ACTR3C: variants seen among roughly 807,000 people sequenced by gnomAD.
The protein encoded by ACTR3C is actin related protein 3C.
In ACTR3C, 18 loss-of-function variants were observed where a neutral mutation model predicts 26.3. The ratio of observed to expected loss-of-function variants is 0.68; its 90% CI spans 0.47 to 1.01. The LOEUF (loss-of-function observed/expected upper bound fraction) is 1.01, where lower values mean the gene tolerates loss of function less well. Ranked by LOEUF, ACTR3C falls within the 50% of genes least tolerant of loss-of-function variation. ACTR3C has a pLI of 0.00. For synonymous variants in ACTR3C, 55 were observed against 94.5 expected, an observed-to-expected ratio of 0.58 and a Z score of 2.42; for missense variants, 184 against 250.7, an observed-to-expected ratio of 0.73 and a Z score of 1.80.
intron 6 of ACTR3C, among the ~76,000 whole-genome samples, chr7:150,266,070 A>G (rs1459209679): frequency 6.7e-6 from 1 of 148,220 alleles, no homozygotes; most frequent in Non-Finnish European, 1.5e-5. Context: ...TTTTCTCTCC[A>G]GTCCAGAGTC....
chr7:150,145,174 C>G, the ACTR3C span, among the ~76,000 whole-genome samples: 2 of 151,820 alleles, frequency 1.3e-5, no homozygotes, highest in Admixed American at 6.6e-5. Context: ...TATAAGGGTG[C>G]TAACTTGGGC....
intron 4 of ACTR3C, among the ~76,000 whole-genome samples, chr7:150,288,580 A>T (rs1291086040): frequency 6.8e-6 from 1 of 146,994 alleles, no homozygotes; most frequent in East Asian, 2.0e-4. Flanking sequence ...ACAGATTTGG[A>T]GTGGCAAGGG....
chr7:150,034,376 C>A, the ACTR3C span, among the ~76,000 whole-genome samples: 3 of 151,696 alleles, frequency 2.0e-5, no homozygotes, highest in African/African-American at 7.3e-5. Context: ...AAGGCTTTGT[C>A]AGATCGGGTA....
chr7:150,037,077 C>G, the ACTR3C span, among the ~76,000 whole-genome samples: 3 of 114,090 alleles, frequency 2.6e-5, no homozygotes, highest in Non-Finnish European at 4.1e-5. Flanking sequence ...GGGGTGCCTC[C>G]CCCTCGTGCG....
the ACTR3C span, among the ~76,000 whole-genome samples, chr7:150,222,166 G>A: frequency 6.6e-6 from 1 of 152,154 alleles, no homozygotes; most frequent in South Asian, 2.1e-4. Context: ...TATTGTGTTT[G>A]GTTGCTTTTG....
At chr7:150,138,191 A>C in the ACTR3C span, among the ~76,000 whole-genome samples, 45 of 152,212 alleles carry the variant, frequency 3.0e-4, no homozygotes, top group Admixed American at 1.0e-3. Flanking sequence ...AGTAGACAAC[A>C]TAAATCACAC....
At chr7:149,920,397 C>T in the ACTR3C span, among the ~76,000 whole-genome samples, 1 of 151,132 alleles carries the variant, frequency 6.6e-6, no homozygotes, top group African/African-American at 2.4e-5. Context: ...ACCTCGAACT[C>T]TTAGATTCAC....
At chr7:150,166,674 G>C in the ACTR3C span, among the ~76,000 whole-genome samples, 1 of 149,848 alleles carries the variant, frequency 6.7e-6, no homozygotes, top group East Asian at 1.9e-4. Flanking sequence ...ACTCCAGCCT[G>C]GGCAACAGAG....
chr7:149,972,357 C>T, the ACTR3C span, among the ~76,000 whole-genome samples: 2 of 152,244 alleles, frequency 1.3e-5, no homozygotes, highest in African/African-American at 4.8e-5. Context: ...TTTCTATCTG[C>T]ACTGTTTAAA....
At chr7:149,922,467 G>A in the ACTR3C span, among the ~76,000 whole-genome samples, 1 of 146,496 alleles carries the variant, frequency 6.8e-6, no homozygotes, top group African/African-American at 2.5e-5. Context: ...CTTTGGCAAT[G>A]GTCTATTCAT....
At chr7:150,127,245 C>G in the ACTR3C span, among the ~76,000 whole-genome samples, 29 of 151,864 alleles carry the variant, frequency 1.9e-4, no homozygotes, top group African/African-American at 6.5e-4. Context: ...ACTCCCACCC[C>G]TATTGCCTGA....
At chr7:150,002,778 T>C in the ACTR3C span, 1 of 152,200 alleles carries the variant, frequency 6.6e-6, no homozygotes, top group African/African-American at 2.4e-5. Flanking sequence ...GCCTCCCTTT[T>C]CAGACTTAGA....
the ACTR3C span, among the ~76,000 whole-genome samples, chr7:150,185,977 C>A: frequency 6.6e-6 from 1 of 152,120 alleles, no homozygotes; most frequent in Non-Finnish European, 1.5e-5. Context: ...ATTTTGATCT[C>A]GGATTAGTGA....
At chr7:150,174,588 A>C in the ACTR3C span, among the ~76,000 whole-genome samples, 4 of 139,064 alleles carry the variant, frequency 2.9e-5, 1 homozygote, top group Non-Finnish European at 5.9e-5. Flanking sequence ...AAAAAAAAGA[A>C]CAACTTTAAG....
At chr7:150,153,311 G>A in the ACTR3C span, among the ~76,000 whole-genome samples, 108 of 151,346 alleles carry the variant, frequency 7.1e-4, no homozygotes, top group Non-Finnish European at 1.1e-3. Flanking sequence ...GAAAATTTTC[G>A]CAACCTACTC....
the ACTR3C span, among the ~76,000 whole-genome samples, chr7:150,069,471 G>T: frequency 2.0e-5 from 3 of 152,170 alleles, no homozygotes; most frequent in African/African-American, 7.2e-5. Context: ...AAACTTCAGC[G>T]GGTGAAACTC....
the ACTR3C span, among the ~76,000 whole-genome samples, chr7:150,090,655 A>G: frequency 6.7e-6 from 1 of 149,256 alleles, no homozygotes; most frequent in Non-Finnish European, 1.5e-5. Context: ...CATTATAGCA[A>G]CTAGTCTCAG....
At chr7:149,985,221 C>CACATACACACACACACAT in the ACTR3C span, among the ~76,000 whole-genome samples, 171 of 140,348 alleles carry the variant, frequency 1.2e-3, 2 homozygotes, top group African/African-American at 3.9e-3. Flanking sequence ...CACACACACA[C>CACATACACACACACACAT]ACACACACAC....
At chr7:149,945,845 T>C in the ACTR3C span, among the ~76,000 whole-genome samples, 2 of 152,116 alleles carry the variant, frequency 1.3e-5, no homozygotes, top group Non-Finnish European at 2.9e-5. Context: ...CAGTCCGCTG[T>C]AGGAATCTAG....
Sources: gnomAD v4.1 joint callset for allele counts (sites outside exome capture counted in the v4.1 genomes callset) on GRCh38, gnomAD v4.1.1 for gene constraint, MANE v1.5 for transcripts, NCBI Gene and HGNC (gene_info 2026-07-23, HGNC 2026-07-21) for gene names.